The following SLC44A1 variants were observed in gnomAD, a reference collection of about 807,000 sequenced individuals.
The protein encoded by SLC44A1 is choline transporter-like protein 1.
Under a neutral mutation model 79.3 loss-of-function variants are expected in SLC44A1, and 26 were observed. The ratio of observed to expected loss-of-function variants is 0.33; its 90% CI spans 0.24 to 0.46. The LOEUF (loss-of-function observed/expected upper bound fraction) is 0.46. Among genes scored for constraint, SLC44A1 ranks in the 20% least tolerant of loss-of-function variants. SLC44A1 has a pLI of 1.00. For missense variants in SLC44A1, 688 were observed against 798.1 expected, an observed-to-expected ratio of 0.86 and a Z score of 1.66; for synonymous variants, 263 against 286.2, an observed-to-expected ratio of 0.92 and a Z score of 0.82.
chr9:105,290,265 C>T (rs79276493), intron 1 of SLC44A1, among the ~76,000 whole-genome samples: 278 of 152,274 alleles, frequency 1.8e-3, no homozygotes, highest in African/African-American at 6.3e-3. Flanking sequence ...ACTGACTATA[C>T]TGTAGCAGAT....
At chr9:105,433,375 G>A (rs1033956446) in intron 15 of SLC44A1, among the ~76,000 whole-genome samples, 1 of 152,102 alleles carries the variant, frequency 6.6e-6, no homozygotes. Context: ...AGATTTAAAT[G>A]GGTACCCCAC....
intron 1 of SLC44A1, among the ~76,000 whole-genome samples, chr9:105,276,400 C>G (rs573669073): frequency 9.7e-4 from 147 of 152,242 alleles, no homozygotes; most frequent in Non-Finnish European, 2.0e-3. Flanking sequence ...TTTGAGATTT[C>G]TATGCCCTAG....
chr9:105,348,802 G>GT (rs924665228), intron 5 of SLC44A1, among the ~76,000 whole-genome samples: 1 of 151,928 alleles, frequency 6.6e-6, no homozygotes, highest in African/African-American at 2.4e-5. Flanking sequence ...TCTCCAAAGA[G>GT]TTTTTTTGAT....
At chr9:105,368,153 T>C (rs968438835) in intron 12 of SLC44A1, among the ~76,000 whole-genome samples, 4 of 151,352 alleles carry the variant, frequency 2.6e-5, no homozygotes, top group Admixed American at 6.6e-5. Flanking sequence ...TATCCCAAGC[T>C]AAACATTAGT....
chr9:105,261,518 G>T (rs1386863966), intron 1 of SLC44A1, among the ~76,000 whole-genome samples: 2 of 152,134 alleles, frequency 1.3e-5, no homozygotes, highest in Non-Finnish European at 2.9e-5. Context: ...GGAAACTCAG[G>T]ACAAAGGGAA....
rs1828762222 is a variant in SLC44A1, at chr9:105,391,540, A to G, written c.*2484A>G. 1.0e-6 allele frequency: 1 copy of G among 985,516 alleles called. No homozygotes were observed. The highest frequency in any genetic ancestry group is 1.2e-6 in the Non-Finnish European group (1 of 829,896). The allele number at this position is 985,516 out of a possible 1,614,324, so 61.0% of individuals were successfully genotyped here. On this transcript the variant is annotated 3_prime_UTR_variant, in exon 16 of 16. Transcript: ENST00000374720. ...GCATTACACAGGCACACACAGAGAGATATTTAATATGTGGAATATCACTCT... is the reference window on the plus strand; with the variant it reads ...GCATTACACAGGCACACACAGAGAGGTATTTAATATGTGGAATATCACTCT...
At chr9:105,368,497 G>A (rs2131426297) in intron 12 of SLC44A1, among the ~76,000 whole-genome samples, 1 of 152,230 alleles carries the variant, frequency 6.6e-6, no homozygotes, top group East Asian at 1.9e-4. Context: ...TCATAGATGA[G>A]AAAATTGAGA....
In SLC44A1 at chr9:105,392,847, T is replaced by C; in HGVS notation, c.*3791T>C. ...TGGTCAGTAACCTTGTCATTTAAAT[T>C]GGACTTTCCAATAGCCTTAACATGG... On this transcript the variant is annotated 3_prime_UTR_variant, in exon 16 of 16. Coordinates refer to ENST00000374720, the MANE Select transcript of SLC44A1 (RefSeq NM_080546.5). The C allele has an allele frequency of 2.0e-6, 2 of 985,442 alleles. No homozygotes were observed. The highest frequency in any genetic ancestry group is 2.4e-6 in the Non-Finnish European group (2 of 829,918). The allele number at this position is 985,442 out of a possible 1,614,324, so 61.0% of individuals were successfully genotyped here.
intron 3 of SLC44A1, among the ~76,000 whole-genome samples, chr9:105,314,120 T>C (rs1343957987): frequency 6.6e-6 from 1 of 152,144 alleles, no homozygotes; most frequent in Middle Eastern, 3.2e-3. Flanking sequence ...TCCATATCAA[T>C]TTGGACAGAG....
chr9:105,435,163 C>CA (rs77661811), intron 15 of SLC44A1, among the ~76,000 whole-genome samples: 18,655 of 130,658 alleles, frequency 0.14, 2,330 homozygotes, highest in African/African-American at 0.36. Context: ...CAAAACAAAA[C>CA]AAAAAAAAAA....
chr9:105,429,994 C>T (rs988604836), intron 15 of SLC44A1, among the ~76,000 whole-genome samples: 8 of 152,088 alleles, frequency 5.3e-5, no homozygotes, highest in Non-Finnish European at 1.2e-4. Context: ...CCCTTCCAGG[C>T]TCCTCCTGCC....
At chr9:105,286,471 A>G (rs907463833) in intron 1 of SLC44A1, among the ~76,000 whole-genome samples, 1 of 152,250 alleles carries the variant, frequency 6.6e-6, no homozygotes, top group Non-Finnish European at 1.5e-5. Context: ...AATATGCTCA[A>G]TAATATTAGC....
chr9:105,405,895 C>T (rs191123250), intron 15 of SLC44A1, among the ~76,000 whole-genome samples: 4 of 152,210 alleles, frequency 2.6e-5, no homozygotes, highest in Non-Finnish European at 5.9e-5. Flanking sequence ...AGGACATACA[C>T]GGAGGAATAA....
chr9:105,363,070 A>C (rs1022019716), intron 9 of SLC44A1, 63 bp downstream of exon 9: 151 of 1,254,040 alleles, frequency 1.2e-4, no homozygotes, highest in Non-Finnish European at 1.6e-4. Flanking sequence ...ATTTTAGAAC[A>C]TCAGAGAGAG....
chr9:105,403,012 G>A (rs1472217387), intron 15 of SLC44A1, among the ~76,000 whole-genome samples: 1 of 142,772 alleles, frequency 7.0e-6, no homozygotes, highest in Non-Finnish European at 1.5e-5. Flanking sequence ...GAAAGGCAGG[G>A]TCTCGCTTTG....
chr9:105,396,582 A>G lies in SLC44A1; in HGVS notation c.*7526A>G. ...TCTCAGGCACTGAGTCTTCACATCC[A>G]GTGTCAAGCCCAGCCCAGCATATGG... On this transcript the variant is annotated 3_prime_UTR_variant, in exon 16 of 16. Transcript: ENST00000374720. 5 of 985,448 alleles carry G rather than the reference A, an allele frequency of 5.1e-6. No individual in the cohort carries two copies. Among genetic ancestry groups the G allele is most frequent in the Non-Finnish European group, 6.0e-6 (5 of 829,934 alleles). 61.0% of individuals were successfully genotyped at this position (985,448 alleles called of 1,614,324 possible). A position where few individuals can be genotyped will look rare whatever the true frequency, so the allele number is the denominator to read the frequency against.
chr9:105,271,634 G>A (rs1460239426), intron 1 of SLC44A1, among the ~76,000 whole-genome samples: 1 of 151,878 alleles, frequency 6.6e-6, no homozygotes, highest in African/African-American at 2.4e-5. Context: ...TTTTCTTTCA[G>A]ACAGAGTCTC....
intron 7 of SLC44A1, 129 bp from the exon 8 acceptor site, chr9:105,361,062 C>T: frequency 2.2e-6 from 2 of 901,084 alleles, no homozygotes; most frequent in Admixed American, 1.9e-5. Flanking sequence ...TATGTACTTC[C>T]CAGCCAAATG....
chr9:105,331,853 T>C (rs1268668081), intron 3 of SLC44A1, among the ~76,000 whole-genome samples: 4 of 152,190 alleles, frequency 2.6e-5, no homozygotes, highest in African/African-American at 9.6e-5. Context: ...ACCTACTAGC[T>C]CTCTTGGGCC....
Sources: gnomAD v4.1 joint callset for allele counts (sites outside exome capture counted in the v4.1 genomes callset) on GRCh38, gnomAD v4.1.1 for gene constraint, MANE v1.5 for transcripts, NCBI Gene and HGNC (gene_info 2026-07-23, HGNC 2026-07-21) for gene names.